The following RIN3 variants were observed in gnomAD, a reference collection of about 807,000 sequenced individuals.
RIN3 encodes the protein Ras and Rab interactor 3, also known as RAB5 interacting protein 3.
A neutral mutation model predicts 76.3 loss-of-function variants in RIN3; 54 were observed. The ratio of observed to expected loss-of-function variants is 0.71; its 90% CI spans 0.57 to 0.89. RIN3 has a LOEUF of 0.89. Among genes scored for constraint, RIN3 ranks in the 40% least tolerant of loss-of-function variants. The pLI, the probability that RIN3 is intolerant of heterozygous loss-of-function variation, is 0.00. For missense variants in RIN3, 1,256 were observed against 1,322.1 expected (o/e 0.95, Z 0.78); for synonymous variants, 576 against 564.0 (o/e 1.02, Z -0.30).
rs531406165 is a variant in RIN3 at position 92,612,879 on chromosome 14, G to A, written c.368-2528G>A. Among the ~76,000 whole-genome samples, 3 of 152,032 alleles carry A rather than the reference G, an allele frequency of 2.0e-5. No homozygotes were observed. The East Asian group carries it at 5.8e-4, about 30-fold the overall frequency. On this transcript the variant is annotated intron_variant, in intron 3 of 9. Coordinates refer to ENST00000216487, the MANE Select transcript of RIN3 (RefSeq NM_024832.5). ...AAGCGAATAAGCCCTAGTTCCTGCA[G>A]TAGCAGCTAACCCAGCAAGGGGACT...
At chr14:92,600,467 G>A (rs1245392278) in intron 3 of RIN3, among the ~76,000 whole-genome samples, 4 of 152,302 alleles carry the variant, frequency 2.6e-5, no homozygotes, top group East Asian at 3.9e-4. Context: ...GTAGCATCTC[G>A]AAGCAAGTGA....
chr14:92,600,283 G>A (rs563921604), intron 3 of RIN3, among the ~76,000 whole-genome samples: 1 of 152,264 alleles, frequency 6.6e-6, no homozygotes, highest in South Asian at 2.1e-4. Context: ...ATGTAGTTGT[G>A]GGATGCAGTT....
At chr14:92,628,862 C>T (rs1235765643) in intron 4 of RIN3, among the ~76,000 whole-genome samples, 1 of 152,062 alleles carries the variant, frequency 6.6e-6, no homozygotes, top group African/African-American at 2.4e-5. Context: ...CCTAGGCCTT[C>T]AGGCAACACT....
At chr14:92,622,679 A>C (rs1042714736) in intron 4 of RIN3, among the ~76,000 whole-genome samples, 1 of 152,230 alleles carries the variant, frequency 6.6e-6, no homozygotes, top group African/African-American at 2.4e-5. Flanking sequence ...GATTGTCTAC[A>C]GTTGACATCA....
At chr14:92,641,854 G>A (rs976544971) in intron 5 of RIN3, among the ~76,000 whole-genome samples, 2 of 152,210 alleles carry the variant, frequency 1.3e-5, no homozygotes, top group Non-Finnish European at 2.9e-5. Flanking sequence ...GGAGGGCAGG[G>A]TGTGTCTGAC....
At chr14:92,687,854 G>A in intron 9 of RIN3, 72 bp from the exon 10 acceptor site, 2 of 1,347,674 alleles carry the variant, frequency 1.5e-6, no homozygotes, top group East Asian at 2.8e-5. Context: ...TCCAGGGAGG[G>A]GCCTGGGCCG....
chr14:92,639,834 G>A (rs1022657906), intron 4 of RIN3, among the ~76,000 whole-genome samples: 1 of 151,914 alleles, frequency 6.6e-6, no homozygotes, highest in Non-Finnish European at 1.5e-5. Flanking sequence ...ATGCCTGACT[G>A]TGTGCTCGTC....
intron 3 of RIN3, among the ~76,000 whole-genome samples, chr14:92,605,218 C>T (rs374688493): frequency 2.0e-5 from 3 of 152,274 alleles, no homozygotes; most frequent in Admixed American, 2.0e-4. Context: ...GCCCCATTTA[C>T]TCTTTATTTC....
chr14:92,576,384 T>C, intron 2 of RIN3: 1 of 1,289,768 alleles, frequency 7.8e-7, no homozygotes, highest in South Asian at 1.2e-5. Context: ...AGACCTCGGT[T>C]AGTATTTGGT....
At chr14:92,662,836 A>AT (rs5810608) in intron 7 of RIN3, among the ~76,000 whole-genome samples, 3,995 of 148,556 alleles carry the variant, frequency 0.027, 95 homozygotes, top group African/African-American at 0.063. Flanking sequence ...AAACAGCATG[A>AT]TTTTTTTTTT....
At chr14:92,616,904 G>A (rs1050104382) in intron 4 of RIN3, among the ~76,000 whole-genome samples, 1 of 152,212 alleles carries the variant, frequency 6.6e-6, no homozygotes, top group African/African-American at 2.4e-5. Flanking sequence ...AAACCTATGT[G>A]TTTCCTTAAA....
chr14:92,615,326 A>G (rs1885913662), intron 3 of RIN3, 81 bp from the exon 4 acceptor site: 1 of 1,186,888 alleles, frequency 8.4e-7, no homozygotes, highest in Non-Finnish European at 1.3e-6. Flanking sequence ...ACGCCCCCCG[A>G]CCCCATCCTT....
chr14:92,516,759 G>A (rs1401283007), intron 1 of RIN3, among the ~76,000 whole-genome samples: 2 of 152,052 alleles, frequency 1.3e-5, no homozygotes, highest in Admixed American at 6.5e-5. Flanking sequence ...TACCCCCTTG[G>A]TGCCCCTCTA....
intron 1 of RIN3, among the ~76,000 whole-genome samples, chr14:92,549,392 C>CGGAA (rs1451441364): frequency 6.6e-6 from 1 of 152,160 alleles, no homozygotes; most frequent in East Asian, 1.9e-4. Context: ...AGCCCAAAGC[C>CGGAA]GGAACCCTGT....
At chr14:92,571,126 A>C (rs1168955081) in intron 2 of RIN3, among the ~76,000 whole-genome samples, 1 of 152,220 alleles carries the variant, frequency 6.6e-6, no homozygotes, top group Non-Finnish European at 1.5e-5. Flanking sequence ...AGCTGTAACC[A>C]ATCCAGCTGT....
chr14:92,607,384 C>A (rs112457277), intron 3 of RIN3, among the ~76,000 whole-genome samples: 1 of 152,186 alleles, frequency 6.6e-6, no homozygotes, highest in South Asian at 2.1e-4. Context: ...CAGCTCATGC[C>A]GGTAATTCCA....
intron 3 of RIN3, among the ~76,000 whole-genome samples, chr14:92,588,196 C>T (rs2140073120): frequency 6.7e-6 from 1 of 148,782 alleles, no homozygotes; most frequent in Non-Finnish European, 1.5e-5. Flanking sequence ...GGAGGGGACC[C>T]ATTCAAGCCA....
chr14:92,573,038 T>C (rs1260983657), intron 2 of RIN3, among the ~76,000 whole-genome samples: 1 of 152,026 alleles, frequency 6.6e-6, no homozygotes, highest in African/African-American at 2.4e-5. Flanking sequence ...TGCACCACTA[T>C]ACCTGACTAA....
At chr14:92,597,608 T>G (rs753964829) in intron 3 of RIN3, among the ~76,000 whole-genome samples, 1 of 152,154 alleles carries the variant, frequency 6.6e-6, no homozygotes, top group African/African-American at 2.4e-5. Flanking sequence ...ACCTCCCAAA[T>G]AGAGTTTTGG....
Sources: gnomAD v4.1 joint callset for allele counts (sites outside exome capture counted in the v4.1 genomes callset) on GRCh38, gnomAD v4.1.1 for gene constraint, MANE v1.5 for transcripts, NCBI Gene and HGNC (gene_info 2026-07-23, HGNC 2026-07-21) for gene names.